CFAP69: variants seen among roughly 807,000 people sequenced by gnomAD.
CFAP69 encodes the protein cilia and flagella associated protein 69, also known as cilia- and flagella-associated protein 69.
A neutral mutation model predicts 123.0 loss-of-function variants in CFAP69; 92 were observed. That is an observed-to-expected ratio of 0.75 (90% CI 0.63 to 0.89). The LOEUF is 0.89. Among genes scored for constraint, CFAP69 ranks in the 40% least tolerant of loss-of-function variants. The pLI is 0.00. For missense variants in CFAP69, 1,067 were observed against 1,096.9 expected, an observed-to-expected ratio of 0.97 and a Z score of 0.39; for synonymous variants, 380 against 364.3, an observed-to-expected ratio of 1.04 and a Z score of -0.49.
intron 14 of CFAP69, among the ~76,000 whole-genome samples, chr7:90,288,002 C>G (rs1429707662): frequency 6.6e-6 from 1 of 151,980 alleles, no homozygotes; most frequent in Non-Finnish European, 1.5e-5. Flanking sequence ...TATTATTAAG[C>G]TGGCATGTTG....
downstream of CFAP69, among the ~76,000 whole-genome samples, chr7:90,312,974 A>G (rs1456118218): frequency 1.3e-5 from 2 of 152,242 alleles, no homozygotes; most frequent in African/African-American, 4.8e-5. Flanking sequence ...GGTTAAACTA[A>G]TTGTCAGACA....
chr7:90,245,810 T>C (rs1176597690), intron 1 of CFAP69, among the ~76,000 whole-genome samples: 1 of 152,088 alleles, frequency 6.6e-6, no homozygotes, highest in East Asian at 1.9e-4. Flanking sequence ...GCAAACTGAG[T>C]AGGCGGGGTT....
At chr7:90,298,685 T>C (rs1792345755) in intron 16 of CFAP69, among the ~76,000 whole-genome samples, 1 of 152,192 alleles carries the variant, frequency 6.6e-6, no homozygotes, top group South Asian at 2.1e-4. Flanking sequence ...ATTGTATTGT[T>C]GGAAGGATTA....
At chr7:90,256,553 G>A (rs1797679937) in intron 2 of CFAP69, among the ~76,000 whole-genome samples, 2 of 151,968 alleles carry the variant, frequency 1.3e-5, no homozygotes, top group South Asian at 4.1e-4. Flanking sequence ...TTAAGTAAGT[G>A]GGTTGACCAT....
intron 1 of CFAP69, among the ~76,000 whole-genome samples, chr7:90,254,005 A>AT (rs2116613453): frequency 6.6e-6 from 1 of 152,058 alleles, no homozygotes. Flanking sequence ...TTTTGATTTG[A>AT]TTTTTTTATT....
intron 15 of CFAP69, among the ~76,000 whole-genome samples, chr7:90,295,635 C>A (rs1459791787): frequency 6.6e-6 from 1 of 152,140 alleles, no homozygotes. Flanking sequence ...CCAATCCAGA[C>A]CCCAAGGGAA....
At chr7:90,251,763 G>C (rs1797033680) in intron 1 of CFAP69, among the ~76,000 whole-genome samples, 1 of 152,194 alleles carries the variant, frequency 6.6e-6, no homozygotes, top group Non-Finnish European at 1.5e-5. Context: ...TGCCAAGCAG[G>C]TAAAACTAGA....
intron 15 of CFAP69, 68 bp from the exon 16 acceptor site, chr7:90,297,681 G>T: frequency 1.0e-6 from 1 of 966,386 alleles, no homozygotes. Context: ...CTTTGATAAA[G>T]ATAAAGCTGT....
chr7:90,288,733 T>C (rs926785839), intron 15 of CFAP69, among the ~76,000 whole-genome samples: 1 of 152,132 alleles, frequency 6.6e-6, no homozygotes, highest in Non-Finnish European at 1.5e-5. Flanking sequence ...TTGCTGTGAG[T>C]GAGTCAGTGA....
intron 1 of CFAP69, among the ~76,000 whole-genome samples, chr7:90,254,406 G>T (rs927482984): frequency 6.6e-6 from 1 of 151,912 alleles, no homozygotes; most frequent in Non-Finnish European, 1.5e-5. Context: ...GCCTCTTCTT[G>T]GTTGCATTTT....
At chr7:90,252,399 G>T (rs1797139827) in intron 1 of CFAP69, among the ~76,000 whole-genome samples, 1 of 152,072 alleles carries the variant, frequency 6.6e-6, no homozygotes, top group African/African-American at 2.4e-5. Context: ...TGGGCATGTT[G>T]GCTCATGCCT....
rs368944321 is a variant in CFAP69 at position 90,265,327 on chromosome 7, C to T, written c.383C>T (p.Ser128Leu). Residue 128 changes from serine to leucine, a missense_variant, in exon 5 of 23, where the codon TCG becomes TTG. By Grantham distance (145) the Ser-to-Leu change is moderately radical. Transcript: ENST00000389297. ...CGLPFLKKKV[S>L]DEITYAEDTA... ...TTGCCATTTTTGAAAAAGAAAGTGT[C>T]GGATGAAATAACTTATGCTGAAGAT... The T allele has an allele frequency of 5.6e-5, 91 of 1,610,692 alleles. No homozygotes were observed. The East Asian group carries it at 6.7e-4, about 12-fold the overall frequency.
At chr7:90,316,779 C>A in the CFAP69 span, 1 of 152,074 alleles carries the variant, frequency 6.6e-6, no homozygotes, top group Non-Finnish European at 1.5e-5. Flanking sequence ...TATGTAAATT[C>A]AATTAAAAGA....
chr7:90,290,986 G>C (rs1791099471), intron 15 of CFAP69, among the ~76,000 whole-genome samples: 1 of 151,942 alleles, frequency 6.6e-6, no homozygotes, highest in Non-Finnish European at 1.5e-5. Flanking sequence ...CCCGGCAGCA[G>C]CTTTAAACCT....
downstream of CFAP69, among the ~76,000 whole-genome samples, chr7:90,314,477 A>G (rs1794593038): frequency 6.6e-6 from 1 of 151,980 alleles, no homozygotes; most frequent in Non-Finnish European, 1.5e-5. Context: ...TACAAAAATT[A>G]TTTGGGAGTG....
rs141598808 is a variant in CFAP69 at position 90,286,381 on chromosome 7, G to A, written c.1638G>A (p.Glu546=). Residue 546 remains glutamate, a synonymous_variant, in exon 14 of 23, where the codon GAG becomes GAA. Coordinates refer to ENST00000389297, the MANE Select transcript of CFAP69 (RefSeq NM_001039706.3). Reference sequence around the variant, plus strand: ...TACTTATCCTATCTGGCCTTTGTGAGAATCACATTCAAAGGAAGGTATGTA... The same window carrying A: ...TACTTATCCTATCTGGCCTTTGTGAAAATCACATTCAAAGGAAGGTATGTA... ...DILLILSGLC[E]NHIQRKEIFG... The A allele has an allele frequency of 3.0e-5, 49 of 1,611,958 alleles. No individual in the cohort carries two copies. In the African/African-American group the frequency reaches 5.7e-4, roughly 19 times the overall value.
chr7:90,255,627 G>T (rs17865276), intron 2 of CFAP69, 145 bp downstream of exon 2: 11,846 of 601,250 alleles, frequency 0.02, 552 homozygotes, highest in East Asian at 0.11. Flanking sequence ...TATATTCAAG[G>T]ACTATTTAAA....
the CFAP69 span, among the ~76,000 whole-genome samples, chr7:90,323,676 C>CA: frequency 2.0e-5 from 3 of 152,040 alleles, no homozygotes; most frequent in Non-Finnish European, 4.4e-5. Context: ...TTCAAGTCAA[C>CA]AATCATAATA....
chr7:90,297,720 T>C, intron 15 of CFAP69, 29 bp from the exon 16 acceptor site: 1 of 1,372,416 alleles, frequency 7.3e-7, no homozygotes, highest in Non-Finnish European at 1.0e-6. Context: ...TAAATGTTTG[T>C]CAAATGAATA....
Sources: allele counts gnomAD v4.1 joint callset (sites outside exome capture counted in the v4.1 genomes callset), GRCh38; gene constraint gnomAD v4.1.1; transcripts MANE v1.5; gene names NCBI Gene and HGNC (gene_info 2026-07-23, HGNC 2026-07-21).